NEK8: variants seen among roughly 807,000 people sequenced by gnomAD.
NEK8 encodes the protein serine/threonine-protein kinase Nek8.
NEK8 carries 51 observed loss-of-function variants against 77.2 expected under a neutral mutation model. That is an observed-to-expected ratio of 0.66 (90% CI 0.53 to 0.83). NEK8 has a LOEUF of 0.83. NEK8 is among the 40% of genes least tolerant of loss of function. The pLI is 0.00. For missense variants in NEK8, 787 were observed against 909.2 expected (o/e 0.87, Z 1.73); for synonymous variants, 365 against 363.2 (o/e 1.00, Z -0.06).
Position 28,737,699 on chromosome 17 carries a change from C to T in NEK8, c.852C>T (p.Ser284=). 4 of 1,614,162 alleles carry T rather than the reference C, an allele frequency of 2.5e-6. No homozygotes were observed. The highest frequency in any genetic ancestry group is 3.4e-6 in the Non-Finnish European group (4 of 1,180,012). ...MRRAEKSVAP[S]NTGSRTTSVR... ...GGGCAGAGAAGTCCGTGGCCCCCAG[C>T]AACACAGGGAGCAGGACCACCAGTG... The change falls in exon 6 of 15, where the codon AGC becomes AGT. Residue 284 remains serine, a synonymous_variant. Coordinates refer to ENST00000268766, the MANE Select transcript of NEK8 (RefSeq NM_178170.3). The surrounding 1 kb of genome is among the most constrained non-coding windows in gnomAD (Gnocchi z 4.8).
At chr17:28,732,553 T>C (rs1438150537) in intron 1 of NEK8, among the ~76,000 whole-genome samples, 2 of 136,174 alleles carry the variant, frequency 1.5e-5, no homozygotes, top group Non-Finnish European at 3.2e-5. Flanking sequence ...TTCTTTTTTT[T>C]TTTTTTTTTT....
chr17:28,733,302 A>G (rs567684519), intron 1 of NEK8, among the ~76,000 whole-genome samples: 2 of 152,300 alleles, frequency 1.3e-5, no homozygotes, highest in South Asian at 4.1e-4. Context: ...TTTATTTTGA[A>G]TTTGTTAAAA....
Position 28,740,511 on chromosome 17 carries a change from T to C in NEK8, c.1466T>C (p.Val489Ala). 1.2e-6 allele frequency: 2 copies of C among 1,614,070 alleles called. No homozygotes were observed. Among genetic ancestry groups the C allele is most frequent in the Non-Finnish European group, 1.7e-6 (2 of 1,179,972 alleles). The change falls in exon 11 of 15, where the codon GTG becomes GCG. Residue 489 changes from valine to alanine, a missense_variant. Val to Ala is a moderately conservative substitution (Grantham distance 64). Coordinates refer to ENST00000268766, the MANE Select transcript of NEK8 (RefSeq NM_178170.3). This position sits in a 1 kb window ranked among gnomAD's most constrained non-coding sequence, Gnocchi z 4.7. ...TRESHSCPQQVPMPPGQEAQR... is the reference protein window; with the variant it reads ...TRESHSCPQQAPMPPGQEAQR... The stretch of plus-strand genomic sequence containing the variant: ...GAGTCCCACAGCTGCCCCCAGCAGG[T>C]GCCCATGCCCCCAGGACAGGAAGCT...
intron 8 of NEK8, 57 bp downstream of exon 8, chr17:28,738,302 T>C: frequency 6.3e-7 from 1 of 1,598,676 alleles, no homozygotes; most frequent in South Asian, 1.1e-5. Context: ...GAGCACCTTC[T>C]CTCTTCTCTT....
At position 28,737,710 on chromosome 17, in the gene NEK8, G is replaced by T. The variant is rs1217328350; in HGVS notation, c.863G>T (p.Ser288Ile). ...TCCGTGGCCCCCAGCAACACAGGGA[G>T]CAGGACCACCAGTGTCCGCTGCAGA... ...EKSVAPSNTG[S>I]RTTSVRCRGI... The change falls in exon 6 of 15, where the codon AGC becomes ATC. Residue 288 changes from serine to isoleucine, a missense_variant. Around this residue, in one of 2 missense-constraint regions of NEK8, gnomAD observed 516 missense variants for 544.0 expected, o/e 0.95. Transcript: ENST00000268766. The surrounding 1 kb of genome is among the most constrained non-coding windows in gnomAD (Gnocchi z 4.8). The T allele has an allele frequency of 6.2e-7, 1 of 1,614,144 alleles. No individual in the cohort carries two copies. Among genetic ancestry groups the T allele is most frequent in the South Asian group, 1.1e-5 (1 of 91,080 alleles).
chr17:28,730,434 G>C (rs1356182115), intron 1 of NEK8, among the ~76,000 whole-genome samples: 1 of 151,992 alleles, frequency 6.6e-6, no homozygotes, highest in Non-Finnish European at 1.5e-5. Flanking sequence ...CACCATGCCT[G>C]GCTAATTTTT....
rs369140861 is a variant in NEK8 at position 28,737,531 on chromosome 17, C to T, written c.827+17C>T. ...CATGCGGAGGCCTGTGCAGGGACAG[C>T]GAGCGGTCCTGGGCGGCAGGGTGTG... On this transcript the variant is annotated intron_variant, in intron 5 of 14. Coordinates refer to ENST00000268766, the MANE Select transcript of NEK8 (RefSeq NM_178170.3). The surrounding 1 kb of genome is among the most constrained non-coding windows in gnomAD (Gnocchi z 4.8). The T allele has an allele frequency of 4.2e-5, 68 of 1,612,586 alleles. No individual in the cohort carries two copies. Among genetic ancestry groups the T allele is most frequent in the Non-Finnish European group, 5.2e-5 (61 of 1,179,620 alleles).
chr17:28,733,306 G>T (rs1010846844), intron 1 of NEK8, among the ~76,000 whole-genome samples: 10 of 152,186 alleles, frequency 6.6e-5, no homozygotes, highest in African/African-American at 2.4e-4. Flanking sequence ...TTTTGAATTT[G>T]TTAAAATTTA....
intron 1 of NEK8, among the ~76,000 whole-genome samples, chr17:28,730,040 T>C (rs546961252): frequency 1.0e-3 from 155 of 152,342 alleles, no homozygotes; most frequent in African/African-American, 3.7e-3. Flanking sequence ...AATGTAATTG[T>C]CGAGGGCGGG....
Position 28,737,547 on chromosome 17 carries a change from G to T in NEK8, c.827+33G>T, listed in dbSNP as rs758249806. On this transcript the variant is annotated intron_variant, in intron 5 of 14. Coordinates refer to ENST00000268766, the MANE Select transcript of NEK8 (RefSeq NM_178170.3). The surrounding 1 kb of genome is among the most constrained non-coding windows in gnomAD (Gnocchi z 4.8). The stretch of plus-strand genomic sequence containing the variant: ...CAGGGACAGCGAGCGGTCCTGGGCG[G>T]CAGGGTGTGGGCACCCAGTGGGAGC... 6.2e-7 allele frequency: 1 copy of T among 1,612,388 alleles called. No homozygotes were observed. The highest frequency in any genetic ancestry group is 8.5e-7 in the Non-Finnish European group (1 of 1,179,368).
intron 8 of NEK8, 32 bp from the exon 9 acceptor site, chr17:28,738,639 C>T: frequency 6.2e-7 from 1 of 1,602,878 alleles, no homozygotes; most frequent in Non-Finnish European, 8.5e-7. Context: ...TAACTTCTTT[C>T]CCTTCTCCTT....
Position 28,741,685 on chromosome 17 carries a change from A to G in NEK8, c.2050+114A>G. 3 of 1,323,044 alleles carry G rather than the reference A, an allele frequency of 2.3e-6. No homozygotes were observed. The highest frequency in any genetic ancestry group is 1.4e-5 in the African/African-American group (1 of 69,444). 82.0% of individuals were successfully genotyped at this position (1,323,044 alleles called of 1,614,324 possible). A position where few individuals can be genotyped will look rare whatever the true frequency, so the allele number is the denominator to read the frequency against. On this transcript the variant is annotated intron_variant, in intron 14 of 14. Coordinates refer to ENST00000268766, the MANE Select transcript of NEK8 (RefSeq NM_178170.3). The surrounding 1 kb of genome is among the most constrained non-coding windows in gnomAD (Gnocchi z 4.5). The stretch of plus-strand genomic sequence containing the variant: ...CCAAAAGCATCTTTAGCCCCCAGAT[A>G]AAAAAAGCAGAAGCTGCGGTTGAAA...
In NEK8 at chr17:28,737,648, G is replaced by C; in HGVS notation, c.828-27G>C. The C allele has an allele frequency of 6.2e-7, 1 of 1,614,168 alleles. No individual in the cohort carries two copies. ...ATGTAGGAATGTCAGGAGGGTCTTT[G>C]TCCTTAGGCCCCCATCTGTCCTGCA... On this transcript the variant is annotated intron_variant, in intron 5 of 14. Transcript: ENST00000268766. The surrounding 1 kb of genome is among the most constrained non-coding windows in gnomAD (Gnocchi z 4.8).
chr17:28,730,277 A>ATTT (rs36102062), intron 1 of NEK8, among the ~76,000 whole-genome samples: 913 of 89,308 alleles, frequency 0.01, 63 homozygotes, highest in African/African-American at 0.043. Flanking sequence ...CAACCGGCTA[A>ATTT]TTTTTTTTTT....
chr17:28,739,230 A>C (rs769244076), intron 10 of NEK8, 29 bp downstream of exon 10: 28 of 1,465,194 alleles, frequency 1.9e-5, no homozygotes, highest in Non-Finnish European at 2.7e-5. Flanking sequence ...GCCCCATCTC[A>C]CAGCATCCTC....
rs370023638 is a variant in NEK8 at position 28,739,216 on chromosome 17, T to C, written c.1417+15T>C. ...TGGAGACAGCGGTAAGCTCCAGCCT[T>C]TAGGCCCCATCTCACAGCATCCTCA... On this transcript the variant is annotated intron_variant, in intron 10 of 14. Transcript: ENST00000268766. 3.0e-5 allele frequency: 47 copies of C among 1,556,890 alleles called. No individual in the cohort carries two copies. The highest frequency in any genetic ancestry group is 3.9e-5 in the Non-Finnish European group (44 of 1,127,808).
At chr17:28,729,750 T>C (rs2034289043) in intron 1 of NEK8, among the ~76,000 whole-genome samples, 1 of 152,064 alleles carries the variant, frequency 6.6e-6, no homozygotes, top group African/African-American at 2.4e-5. Context: ...TTCGCCATGT[T>C]GGCCAGGCTG....
At chr17:28,739,945 T>C (rs2151733736) in intron 10 of NEK8, among the ~76,000 whole-genome samples, 1 of 152,220 alleles carries the variant, frequency 6.6e-6, no homozygotes, top group Non-Finnish European at 1.5e-5. Context: ...CAGTGAACAG[T>C]AATGTCAACT....
rs2034425493 is a variant in NEK8, at chr17:28,741,762, A to G, written c.2050+191A>G. The stretch of plus-strand genomic sequence containing the variant: ...CCAAGGCTGGTGCTTCTTGGGCCTC[A>G]TGGAAGGGCTGCCTCCACTGCTCCC... On this transcript the variant is annotated intron_variant, in intron 14 of 14. Transcript: ENST00000268766. This position sits in a 1 kb window ranked among gnomAD's most constrained non-coding sequence, Gnocchi z 4.5. Among the ~76,000 whole-genome samples the G allele has an allele frequency of 6.6e-6, 1 of 152,090 alleles. No homozygotes were observed. The highest frequency in any genetic ancestry group is 2.4e-5 in the African/African-American group (1 of 41,400).
Sources: gnomAD v4.1 joint callset for allele counts (sites outside exome capture counted in the v4.1 genomes callset) on GRCh38, gnomAD v4.1.1 for gene constraint, gnomAD v4.1.1 regional missense constraint, Gnocchi (gnomAD v3.1) non-coding constraint, MANE v1.5 for transcripts, NCBI Gene and HGNC (gene_info 2026-07-23, HGNC 2026-07-21) for gene names.